Variants in COL4A4 observed in about 807,000 individuals in gnomAD.
COL4A4 encodes collagen alpha-4(IV) chain.
A neutral mutation model predicts 192.9 loss-of-function variants in COL4A4; 105 were observed. That is an observed-to-expected ratio of 0.54 (90% CI 0.46 to 0.64). The LOEUF is 0.64. Ranked by LOEUF, COL4A4 falls within the 30% of genes least tolerant of loss-of-function variation. The pLI, the probability that COL4A4 is intolerant of heterozygous loss-of-function variation, is 0.00. For missense variants in COL4A4, 1,967 were observed against 2,169.3 expected, an observed-to-expected ratio of 0.91 and a Z score of 1.85; for synonymous variants, 762 against 769.9, an observed-to-expected ratio of 0.99 and a Z score of 0.17.
At chr2:227,153,693 G>T (rs2064121363) in intron 1 of COL4A4, among the ~76,000 whole-genome samples, 1 of 152,170 alleles carries the variant, frequency 6.6e-6, no homozygotes, top group Non-Finnish European at 1.5e-5. Context: ...TGCATCAGGA[G>T]ATACCCTGAC....
At chr2:227,125,659 C>T (rs1372263206) in intron 4 of COL4A4, among the ~76,000 whole-genome samples, 1 of 152,214 alleles carries the variant, frequency 6.6e-6, no homozygotes, top group Non-Finnish European at 1.5e-5. Flanking sequence ...TAGACAAGCT[C>T]TGTTCTTTCA....
At chr2:227,098,044 G>T (rs553201525) in intron 19 of COL4A4, among the ~76,000 whole-genome samples, 20 of 152,246 alleles carry the variant, frequency 1.3e-4, no homozygotes, top group South Asian at 1.2e-3. Context: ...ATGCCAACAG[G>T]ACTCTTTCCC....
At chr2:227,136,580 G>T (rs2062827095) in intron 4 of COL4A4, among the ~76,000 whole-genome samples, 1 of 152,022 alleles carries the variant, frequency 6.6e-6, no homozygotes, top group Non-Finnish European at 1.5e-5. Flanking sequence ...ATCAAAGGAG[G>T]CCCCCCTTGA....
chr2:227,053,905 T>A (rs766602544), intron 31 of COL4A4, among the ~76,000 whole-genome samples: 21 of 151,998 alleles, frequency 1.4e-4, no homozygotes, highest in Non-Finnish European at 2.4e-4. Flanking sequence ...CAGATGAAAG[T>A]GGACTCATGG....
At chr2:227,041,997 C>A in intron 37 of COL4A4, 151 bp downstream of exon 37, 1 of 701,970 alleles carries the variant, frequency 1.4e-6, no homozygotes, top group South Asian at 1.6e-5. Context: ...GCAGCCCTGG[C>A]TAAGGAAGAG....
the COL4A4 span, among the ~76,000 whole-genome samples, chr2:226,986,073 C>A: frequency 1.3e-5 from 2 of 152,310 alleles, no homozygotes; most frequent in East Asian, 3.9e-4. Context: ...GTATTCTTCA[C>A]CAAAACCCAT....
intron 4 of COL4A4, 64 bp from the exon 5 acceptor site, chr2:227,121,212 A>T: frequency 6.4e-7 from 1 of 1,555,302 alleles, no homozygotes; most frequent in Non-Finnish European, 8.8e-7. Flanking sequence ...TAACACAAAC[A>T]TATACTCATT....
the COL4A4 span, chr2:226,996,411 G>A: frequency 6.6e-6 from 1 of 152,210 alleles, no homozygotes; most frequent in East Asian, 1.9e-4. Context: ...ACTTGTCCTA[G>A]CCAAATGTCC....
Position 227,057,430 on chromosome 2 carries a change from G to A in COL4A4, c.2545+9C>T. On this transcript the variant is annotated intron_variant, in intron 29 of 47. Coordinates refer to ENST00000396625, the MANE Select transcript of COL4A4 (RefSeq NM_000092.5). ...AAGCCCCAGACCCTTCACAGTTCTT[G>A]ACACTTACCTGGGCTACCTGGATAC... 1 of 1,597,944 alleles carries A rather than the reference G, an allele frequency of 6.3e-7. No individual in the cohort carries two copies. Among genetic ancestry groups the A allele is most frequent in the Non-Finnish European group, 8.5e-7 (1 of 1,171,552 alleles).
intron 18 of COL4A4, 62 bp downstream of exon 18, chr2:227,099,558 G>A (rs1427821574): frequency 3.8e-5 from 55 of 1,457,972 alleles, no homozygotes; most frequent in Non-Finnish European, 5.1e-5. Flanking sequence ...AGACTCTTCT[G>A]TCCTGGCCAC....
At chr2:227,147,670 T>C (rs569832405) in intron 1 of COL4A4, 86 bp from the exon 2 acceptor site, 2 of 561,736 alleles carry the variant, frequency 3.6e-6, no homozygotes, top group East Asian at 3.3e-5. Flanking sequence ...GTTATGGAAA[T>C]ATTTTCTAAA....
chr2:227,064,187 C>G (rs889545052), intron 25 of COL4A4, among the ~76,000 whole-genome samples: 6 of 151,880 alleles, frequency 4.0e-5, no homozygotes, highest in Admixed American at 1.3e-4. Context: ...AGGATATGAA[C>G]AAAAAAATTC....
chr2:227,022,975 T>C (rs1966311671), intron 43 of COL4A4, among the ~76,000 whole-genome samples: 1 of 152,144 alleles, frequency 6.6e-6, no homozygotes, highest in South Asian at 2.1e-4. Flanking sequence ...CCAGTGTCCA[T>C]TAGGGCTGAA....
At chr2:226,995,360 T>A in the COL4A4 span, 1 of 932,904 alleles carries the variant, frequency 1.1e-6, no homozygotes, top group African/African-American at 1.6e-5. Flanking sequence ...CTTTGTTCCC[T>A]TGGAATCCTA....
chr2:227,116,221 T>C (rs888767914), intron 7 of COL4A4, among the ~76,000 whole-genome samples: 1 of 152,248 alleles, frequency 6.6e-6, no homozygotes, highest in African/African-American at 2.4e-5. Context: ...TCTCATTGTC[T>C]GGATGCCATG....
At chr2:226,979,935 G>T in the COL4A4 span, among the ~76,000 whole-genome samples, 1 of 152,218 alleles carries the variant, frequency 6.6e-6, no homozygotes, top group Non-Finnish European at 1.5e-5. Context: ...ATTTGGGAAT[G>T]TTCAGGTTAA....
chr2:227,011,036 C>T (rs966609372), intron 45 of COL4A4, among the ~76,000 whole-genome samples: 6 of 152,112 alleles, frequency 3.9e-5, no homozygotes, highest in African/African-American at 7.2e-5. Flanking sequence ...ACAAGTTTGG[C>T]TCTCCTCTTC....
intron 7 of COL4A4, among the ~76,000 whole-genome samples, chr2:227,115,242 T>A (rs1243182787): frequency 1.9e-4 from 29 of 151,802 alleles, no homozygotes; most frequent in Admixed American, 1.9e-3. Context: ...GTTTTCCTAC[T>A]TAATATCTTA....
chr2:227,041,854 GAAAGAAAGAAAGAA>G (rs1559478363), intron 37 of COL4A4, among the ~76,000 whole-genome samples: 26 of 99,296 alleles, frequency 2.6e-4, no homozygotes, highest in African/African-American at 4.0e-4. Context: ...GAAAGAGAAA[GAAAGAAAGAAAGAA>G]AGAAAGAAAG....
Sources: allele counts gnomAD v4.1 joint callset (sites outside exome capture counted in the v4.1 genomes callset), GRCh38; gene constraint gnomAD v4.1.1; transcripts MANE v1.5; gene names NCBI Gene and HGNC (gene_info 2026-07-23, HGNC 2026-07-21).